The following JHY variants were observed in gnomAD, a reference collection of about 807,000 sequenced individuals.
JHY encodes jhy protein homolog.
A neutral mutation model predicts 78.0 loss-of-function variants in JHY; 69 were observed. The ratio of observed to expected loss-of-function variants is 0.88; its 90% CI spans 0.73 to 1.08. The LOEUF (loss-of-function observed/expected upper bound fraction) is 1.08. Ranked by LOEUF, JHY falls within the 50% of genes least tolerant of loss-of-function variation. The probability of loss-of-function intolerance (pLI) is 0.00; values close to 1 mark genes in which losing one functional copy is unlikely to be tolerated. For synonymous variants in JHY, 368 were observed against 342.6 expected (o/e 1.07, Z -0.82); for missense variants, 944 against 927.8 (o/e 1.02, Z -0.23).
At chr11:122,908,958 G>T (rs370677206) in intron 3 of JHY, among the ~76,000 whole-genome samples, 4 of 152,222 alleles carry the variant, frequency 2.6e-5, no homozygotes, top group African/African-American at 7.2e-5. Flanking sequence ...AAGTATAAAT[G>T]AACAATTCAC....
In JHY at chr11:122,960,107, G is replaced by A. The variant is rs1316814721; in HGVS notation, c.*662G>A. The stretch of plus-strand genomic sequence containing the variant: ...AAATTAGCTAGGCGTGGTGGCGCAT[G>A]TCTATAGTTCCAGGTACTCAGGAGG... On this transcript the variant is annotated 3_prime_UTR_variant, in exon 9 of 9. Coordinates refer to ENST00000227349, the MANE Select transcript of JHY (RefSeq NM_024806.4). Among the ~76,000 whole-genome samples, 2 of 152,110 alleles carry A rather than the reference G, an allele frequency of 1.3e-5. No homozygotes were observed. Among genetic ancestry groups the A allele is most frequent in the African/African-American group, 4.8e-5 (2 of 41,430 alleles).
At chr11:122,931,940 T>C (rs926915158) in intron 4 of JHY, among the ~76,000 whole-genome samples, 11 of 152,040 alleles carry the variant, frequency 7.2e-5, no homozygotes, top group African/African-American at 2.4e-4. Flanking sequence ...GGCATCAGGA[T>C]TCCCCCATGC....
At position 122,961,543 on chromosome 11, in the gene JHY, C is replaced by A. The variant is rs1246434328; in HGVS notation, c.*2098C>A. Among the ~76,000 whole-genome samples, 1 of 152,138 alleles carries A rather than the reference C, an allele frequency of 6.6e-6. No individual in the cohort carries two copies. The highest frequency in any genetic ancestry group is 1.5e-5 in the Non-Finnish European group (1 of 68,024). On this transcript the variant is annotated 3_prime_UTR_variant, in exon 9 of 9. Coordinates refer to ENST00000227349, the MANE Select transcript of JHY (RefSeq NM_024806.4). ...CTAATTTTTATACTTTTAGTAGAGG[C>A]AGGGTTTCGCCATGTTGACCAGGCT...
In JHY at chr11:122,917,765, CTTAG is replaced by C. The variant is rs561572105; in HGVS notation, c.865-7124_865-7121del. On this transcript the variant is annotated intron_variant, in intron 3 of 8. Transcript: ENST00000227349. The surrounding 1 kb of genome is among the most constrained non-coding windows in gnomAD (Gnocchi z 4.1). ...CATTCAGAGGTCACACTTACATATT[CTTAG>C]TTAGTTATGGAGAGTTCAGATTGCT... is the stretch of plus-strand genomic sequence containing the variant. 5.5e-4 allele frequency among the ~76,000 whole-genome samples: 83 copies of C among 152,168 alleles called. No homozygotes were observed. Among genetic ancestry groups the C allele is most frequent in the Admixed American group, 9.2e-4 (14 of 15,292 alleles).
At position 122,960,440 on chromosome 11, in the gene JHY, G is replaced by T. The variant is rs146551578; in HGVS notation, c.*995G>T. Reference sequence around the variant, plus strand: ...CAACAAGGACCTTTCACACAGGGAAGCCACTCCTTGCCCCTCTACCACCTC... The same window carrying T: ...CAACAAGGACCTTTCACACAGGGAATCCACTCCTTGCCCCTCTACCACCTC... On this transcript the variant is annotated 3_prime_UTR_variant, in exon 9 of 9. Coordinates refer to ENST00000227349, the MANE Select transcript of JHY (RefSeq NM_024806.4). 5.7e-4 allele frequency: 132 copies of T among 232,488 alleles called. No individual in the cohort carries two copies. Among genetic ancestry groups the T allele is most frequent in the Non-Finnish European group, 7.8e-4 (85 of 109,612 alleles). 14.4% of individuals were successfully genotyped at this position (232,488 alleles called of 1,614,324 possible).
chr11:122,947,017 C>A, intron 6 of JHY: 1 of 470,514 alleles, frequency 2.1e-6, no homozygotes. Flanking sequence ...ATTTCTCCCT[C>A]CTGTTCAAGT....
rs1416189700 is a variant in JHY, at chr11:122,904,155, G to T, written c.575G>T (p.Gly192Val). The T allele has an allele frequency of 6.2e-7, 1 of 1,614,136 alleles. No homozygotes were observed. The highest frequency in any genetic ancestry group is 2.2e-5 in the East Asian group (1 of 44,884). The change falls in exon 3 of 9, where the codon GGT (glycine) becomes GTT (valine). Residue 192 changes from glycine (G) to valine (V), a missense_variant. Physicochemically the swap from Gly to Val is moderately radical, Grantham distance 109. Coordinates refer to ENST00000227349, the MANE Select transcript of JHY (RefSeq NM_024806.4). ...ESPQSAASLL[G>V]SEFLSPNYEH... is the part of the protein sequence containing the mutation. ...CCACAGAGTGCAGCTTCTTTACTTG[G>T]TAGTGAATTTTTAAGCCCAAACTAT...
At chr11:122,942,526 C>T (rs1356292850) in intron 5 of JHY, among the ~76,000 whole-genome samples, 4 of 151,346 alleles carry the variant, frequency 2.6e-5, no homozygotes, top group South Asian at 2.1e-4. Context: ...CGGGTTCAAG[C>T]GATTATTGTG....
intron 5 of JHY, among the ~76,000 whole-genome samples, chr11:122,941,303 G>A (rs953308456): frequency 6.6e-6 from 1 of 152,136 alleles, no homozygotes; most frequent in African/African-American, 2.4e-5. Flanking sequence ...ACATATTTCT[G>A]TATACTAGTG....
intron 2 of JHY, among the ~76,000 whole-genome samples, chr11:122,888,383 G>A (rs1037366867): frequency 1.6e-4 from 24 of 152,160 alleles, no homozygotes; most frequent in African/African-American, 4.8e-4. Flanking sequence ...CTTTTTAAAA[G>A]CCTATCTTAG....
chr11:122,904,259 C>G lies in JHY; in HGVS notation c.679C>G (p.Pro227Ala). The change falls in exon 3 of 9, where the codon CCG (proline) becomes GCG (alanine). Residue 227 changes from proline (P) to alanine (A), a missense_variant. Pro to Ala is a conservative substitution (Grantham distance 27, BLOSUM62 -1). Coordinates refer to ENST00000227349, the MANE Select transcript of JHY (RefSeq NM_024806.4). ...GGAGGAGAAGTCGAGCAGCCTTTCTCCGTACGTGAAGAGCTCAAGTTCACA... is the reference window on the plus strand; with the variant it reads ...GGAGGAGAAGTCGAGCAGCCTTTCTGCGTACGTGAAGAGCTCAAGTTCACA... The part of the protein sequence containing the change: ...DLEEKSSSLS[P>A]YVKSSSSHNE... 6.2e-7 allele frequency: 1 copy of G among 1,614,196 alleles called. No individual in the cohort carries two copies. The highest frequency in any genetic ancestry group is 1.1e-5 in the South Asian group (1 of 91,080).
chr11:122,894,416 A>C (rs896820211), intron 2 of JHY, among the ~76,000 whole-genome samples: 6 of 152,216 alleles, frequency 3.9e-5, no homozygotes, highest in East Asian at 1.9e-4. Context: ...CATTTTATAA[A>C]TCTAGGTCTC....
chr11:122,901,819 A>G (rs1402856645), intron 2 of JHY, among the ~76,000 whole-genome samples: 1 of 151,744 alleles, frequency 6.6e-6, no homozygotes, highest in Non-Finnish European at 1.5e-5. Context: ...CTTGCAGTTA[A>G]CCAAGATAGC....
At chr11:122,931,640 A>C (rs1163074469) in intron 4 of JHY, among the ~76,000 whole-genome samples, 1 of 152,230 alleles carries the variant, frequency 6.6e-6, no homozygotes, top group Non-Finnish European at 1.5e-5. Context: ...TCTTCACTTT[A>C]CAGCTGATCT....
rs559874022 is a variant in JHY, at chr11:122,909,071, T to G, written c.864+4627T>G. Among the ~76,000 whole-genome samples the G allele has an allele frequency of 1.8e-4, 27 of 152,294 alleles. No individual in the cohort carries two copies. The Middle Eastern group carries it at 0.01, about 58-fold the overall frequency. On this transcript the variant is annotated intron_variant, in intron 3 of 8. Transcript: ENST00000227349. ...CTTTTTGTGTATTTTTCCTTGTTAA[T>G]AAAAGTTAACAAAGAAAAGTTAATA... is the stretch of plus-strand genomic sequence containing the variant.
chr11:122,941,339 A>G (rs1484692103), intron 5 of JHY, among the ~76,000 whole-genome samples: 1 of 152,198 alleles, frequency 6.6e-6, no homozygotes, highest in Non-Finnish European at 1.5e-5. Context: ...CTCAAATCCA[A>G]CAGCTCTGGG....
intron 5 of JHY, among the ~76,000 whole-genome samples, chr11:122,944,189 G>A (rs768474216): frequency 1.3e-5 from 2 of 152,030 alleles, no homozygotes; most frequent in Admixed American, 6.6e-5. Flanking sequence ...AAACTGAGAC[G>A]ATGCCTCAAA....
intron 8 of JHY, among the ~76,000 whole-genome samples, chr11:122,957,990 A>G (rs993477484): frequency 6.6e-6 from 1 of 152,234 alleles, no homozygotes; most frequent in Non-Finnish European, 1.5e-5. Context: ...ATCATTAAAT[A>G]AGCTTTAAGG....
At chr11:122,955,695 C>T (rs1864176206) in intron 6 of JHY, among the ~76,000 whole-genome samples, 1 of 152,184 alleles carries the variant, frequency 6.6e-6, no homozygotes, top group East Asian at 1.9e-4. Flanking sequence ...TGCCAAGACT[C>T]TCAAACACTT....
Sources: gnomAD v4.1 joint callset for allele counts (sites outside exome capture counted in the v4.1 genomes callset) on GRCh38, gnomAD v4.1.1 for gene constraint, Gnocchi (gnomAD v3.1) non-coding constraint, MANE v1.5 for transcripts, NCBI Gene and HGNC (gene_info 2026-07-23, HGNC 2026-07-21) for gene names.